Variants in NELL2 observed in about 807,000 individuals in gnomAD.
The protein encoded by NELL2 is neural EGFL like 2.
A neutral mutation model predicts 109.6 loss-of-function variants in NELL2; 41 were observed. The observed-to-expected ratio is 0.37, with a 90% CI of 0.29 to 0.49. The LOEUF (loss-of-function observed/expected upper bound fraction) is 0.49, where lower values mean the gene tolerates loss of function less well. Ranked by LOEUF, NELL2 falls within the 20% of genes least tolerant of loss-of-function variation. The pLI, the probability that NELL2 is intolerant of heterozygous loss-of-function variation, is 0.98. For synonymous variants in NELL2, 355 were observed against 344.7 expected (o/e 1.03, Z -0.33); for missense variants, 900 against 1,008.3 (o/e 0.89, Z 1.45).
At chr12:44,726,085 C>G (rs1939065288) in intron 9 of NELL2, among the ~76,000 whole-genome samples, 1 of 151,960 alleles carries the variant, frequency 6.6e-6, no homozygotes, top group Non-Finnish European at 1.5e-5. Flanking sequence ...AAAATTATTA[C>G]TGTAAAAAGT....
intron 12 of NELL2, among the ~76,000 whole-genome samples, chr12:44,685,891 G>A (rs957240142): frequency 2.0e-5 from 3 of 152,038 alleles, no homozygotes. Flanking sequence ...ACAATTATGT[G>A]TCTTGGTGTT....
At chr12:44,893,622 G>A (rs972842447) in intron 1 of NELL2, among the ~76,000 whole-genome samples, 1 of 152,132 alleles carries the variant, frequency 6.6e-6, no homozygotes, top group Non-Finnish European at 1.5e-5. Context: ...TGCCGAGCAG[G>A]CACCTGTTCT....
At chr12:44,881,604 G>T (rs1041213250) in intron 1 of NELL2, among the ~76,000 whole-genome samples, 5 of 152,024 alleles carry the variant, frequency 3.3e-5, no homozygotes, top group Non-Finnish European at 7.4e-5. Flanking sequence ...ACAAAAGGGA[G>T]AAGACTTTTT....
In NELL2 at chr12:44,523,336, C is replaced by T; in HGVS notation, c.1953G>A (p.Gln651=). Residue 651 remains glutamine, a synonymous_variant, in exon 17 of 20, where the codon CAG becomes CAA. Transcript: ENST00000429094. ...IHDGKVKHNG[Q]IWVLENDRCS... is the part of the protein sequence containing the mutation. ...ACCTGTCATTTTCCAACACCCAAAT[C>T]TGACCATTGTGCTTAACTTTTCCAT... 2 of 1,614,180 alleles carry T rather than the reference C, an allele frequency of 1.2e-6. No individual in the cohort carries two copies. Among genetic ancestry groups the T allele is most frequent in the Non-Finnish European group, 1.7e-6 (2 of 1,180,006 alleles).
At chr12:44,581,618 T>A (rs940370659) in intron 15 of NELL2, among the ~76,000 whole-genome samples, 1 of 150,340 alleles carries the variant, frequency 6.7e-6, no homozygotes. Flanking sequence ...CTTCTCTTTA[T>A]ATAGGTTGGT....
chr12:44,772,191 T>A (rs955342216), intron 9 of NELL2, among the ~76,000 whole-genome samples: 11 of 152,140 alleles, frequency 7.2e-5, no homozygotes, highest in African/African-American at 2.7e-4. Flanking sequence ...AAAATTAGAT[T>A]TTCATAAATT....
intron 1 of NELL2, among the ~76,000 whole-genome samples, chr12:44,899,887 C>T (rs542346088): frequency 6.6e-5 from 10 of 152,186 alleles, no homozygotes; most frequent in Admixed American, 2.0e-4. Flanking sequence ...CAAAGACACA[C>T]ATAGGCTCAA....
chr12:44,742,794 G>T (rs1566286096), intron 9 of NELL2, among the ~76,000 whole-genome samples: 1 of 152,176 alleles, frequency 6.6e-6, no homozygotes, highest in Non-Finnish European at 1.5e-5. Flanking sequence ...AAGAAAATGG[G>T]ACTACGTGAA....
intron 1 of NELL2, among the ~76,000 whole-genome samples, chr12:44,920,061 T>A (rs1384989452): frequency 6.6e-6 from 1 of 152,078 alleles, no homozygotes; most frequent in Non-Finnish European, 1.5e-5. Flanking sequence ...CTGGAGAGCT[T>A]TTCAAAGGAA....
rs12228891 is a variant in NELL2, at chr12:44,603,519, T to C, written c.1663+3650A>G. ...TGATAAAGCTGTAAACCTTGGCACA[T>C]AGCTTCAGCTTTCTAATACATTTTA... is the stretch of plus-strand genomic sequence containing the variant. On this transcript the variant is annotated intron_variant, in intron 15 of 19. Coordinates refer to ENST00000429094, the MANE Select transcript of NELL2 (RefSeq NM_001145108.2). 1.1e-3 allele frequency among the ~76,000 whole-genome samples: 175 copies of C among 152,296 alleles called. 3 individuals are homozygous for C. The East Asian group carries it at 0.026, about 23-fold the overall frequency.
chr12:44,883,281 T>A (rs936387200), intron 1 of NELL2, among the ~76,000 whole-genome samples: 3 of 152,040 alleles, frequency 2.0e-5, no homozygotes, highest in Non-Finnish European at 4.4e-5. Context: ...ATACCTTTTT[T>A]AACTTCTACA....
intron 11 of NELL2, among the ~76,000 whole-genome samples, chr12:44,706,226 G>A (rs574257718): frequency 4.6e-5 from 7 of 152,214 alleles, no homozygotes; most frequent in Middle Eastern, 6.8e-3. Flanking sequence ...TCAGTCATTC[G>A]AATTCCAATT....
At chr12:44,849,459 T>C (rs1385162860) in intron 2 of NELL2, among the ~76,000 whole-genome samples, 1 of 152,142 alleles carries the variant, frequency 6.6e-6, no homozygotes, top group African/African-American at 2.4e-5. Context: ...AAGTCCAGAA[T>C]GAAATATCTC....
chr12:44,892,234 G>A (rs1364214294), intron 1 of NELL2, among the ~76,000 whole-genome samples: 1 of 152,204 alleles, frequency 6.6e-6, no homozygotes, highest in Non-Finnish European at 1.5e-5. Flanking sequence ...GATGACTTGA[G>A]TAGAGGTAGA....
intron 2 of NELL2, among the ~76,000 whole-genome samples, chr12:44,825,998 C>T (rs1436473401): frequency 6.6e-6 from 1 of 151,668 alleles, no homozygotes; most frequent in Non-Finnish European, 1.5e-5. Context: ...GCCGAGATCG[C>T]GCCATTGCAC....
intron 13 of NELL2, 100 bp from the exon 14 acceptor site, chr12:44,611,070 A>C (rs1945605401): frequency 8.8e-7 from 1 of 1,140,486 alleles, no homozygotes; most frequent in African/African-American, 1.5e-5. Flanking sequence ...AAATTCTTTC[A>C]ACCACAGACA....
chr12:44,791,098 T>TATAC (rs1555217719), intron 3 of NELL2, among the ~76,000 whole-genome samples: 209 of 16,324 alleles, frequency 0.013, 8 homozygotes, highest in South Asian at 0.1. Flanking sequence ...TATATATATG[T>TATAC]ATATATATAT....
intron 2 of NELL2, among the ~76,000 whole-genome samples, chr12:44,870,476 A>G (rs1459194877): frequency 1.3e-5 from 2 of 152,180 alleles, no homozygotes; most frequent in Admixed American, 1.3e-4. Context: ...CCACAAACTT[A>G]GTGACTTAAA....
intron 16 of NELL2, among the ~76,000 whole-genome samples, chr12:44,525,155 T>C (rs1941710156): frequency 6.6e-6 from 1 of 152,226 alleles, no homozygotes; most frequent in Non-Finnish European, 1.5e-5. Context: ...TGAATGGCAA[T>C]GGCCGAATTT....
Sources: gnomAD v4.1 joint callset for allele counts (sites outside exome capture counted in the v4.1 genomes callset) on GRCh38, gnomAD v4.1.1 for gene constraint, MANE v1.5 for transcripts, NCBI Gene and HGNC (gene_info 2026-07-23, HGNC 2026-07-21) for gene names.